RUFY2: variants seen among roughly 807,000 people sequenced by gnomAD.
RUFY2 encodes the protein RUN and FYVE domain containing 2.
A neutral mutation model predicts 94.4 loss-of-function variants in RUFY2; 49 were observed. The ratio of observed to expected loss-of-function variants is 0.52; its 90% CI spans 0.41 to 0.66. RUFY2 has a LOEUF of 0.66. Among genes scored for constraint, RUFY2 ranks in the 30% least tolerant of loss-of-function variants. RUFY2 has a pLI of 0.00. For missense variants in RUFY2, 541 were observed against 692.8 expected (o/e 0.78, Z 2.46); for synonymous variants, 255 against 235.7 (o/e 1.08, Z -0.75).
intron 7 of RUFY2, among the ~76,000 whole-genome samples, chr10:68,388,278 C>A (rs190724718): frequency 6.6e-6 from 1 of 152,066 alleles, no homozygotes; most frequent in Admixed American, 6.6e-5. Flanking sequence ...GCCTGACCAA[C>A]ATGGTGAAAC....
At chr10:68,392,735 A>G (rs1478747730) in intron 7 of RUFY2, among the ~76,000 whole-genome samples, 1 of 150,798 alleles carries the variant, frequency 6.6e-6, no homozygotes, top group Non-Finnish European at 1.5e-5. Flanking sequence ...ATCCTGGCCA[A>G]CGTGGTGAAA....
intron 13 of RUFY2, among the ~76,000 whole-genome samples, chr10:68,376,107 GAA>G (rs1037809301): frequency 7.9e-6 from 1 of 127,048 alleles, no homozygotes; most frequent in Admixed American, 8.3e-5. Flanking sequence ...CATCTCGAAG[GAA>G]AAAAAAAAAA....
Position 68,384,157 on chromosome 10 carries a change from A to G in RUFY2, c.721-5T>C. 6.2e-7 allele frequency: 1 copy of G among 1,604,900 alleles called. No homozygotes were observed. On this transcript the variant is annotated splice_polypyrimidine_tract_variant and splice_region_variant and intron_variant, in intron 8 of 17. Coordinates refer to ENST00000602465, the MANE Select transcript of RUFY2 (RefSeq NM_001330103.2). ...GTTATTCTTTGCTATTGCTAACTAA[A>G]AATTAAGAAACGGGCAAGAAAAAAG...
At chr10:68,363,368 G>C (rs1005218505) in intron 15 of RUFY2, among the ~76,000 whole-genome samples, 7 of 152,040 alleles carry the variant, frequency 4.6e-5, no homozygotes, top group African/African-American at 1.7e-4. Flanking sequence ...GTAAAGACAG[G>C]GTTTCACCAT....
chr10:68,341,125 A>T, downstream of RUFY2: 2 of 1,331,648 alleles, frequency 1.5e-6, no homozygotes, highest in Non-Finnish European at 1.0e-6. Flanking sequence ...GTGGTAATTT[A>T]CTTTAATATT....
At chr10:68,385,201 T>G (rs1022332760) in intron 8 of RUFY2, among the ~76,000 whole-genome samples, 1 of 151,486 alleles carries the variant, frequency 6.6e-6, no homozygotes, top group African/African-American at 2.4e-5. Flanking sequence ...GAGGCGGAGG[T>G]TGCAGTGAGC....
chr10:68,355,304 A>G, intron 16 of RUFY2, 49 bp downstream of exon 16: 1 of 1,345,758 alleles, frequency 7.4e-7, no homozygotes, highest in Non-Finnish European at 1.1e-6. Flanking sequence ...ATTACCTTCC[A>G]TTGGAGACTT....
At chr10:68,379,576 T>C in intron 11 of RUFY2, 55 bp from the exon 12 acceptor site, 1 of 1,222,172 alleles carries the variant, frequency 8.2e-7, no homozygotes, top group Non-Finnish European at 1.2e-6. Flanking sequence ...TGTGTTTGTG[T>C]GTGTGTGTGT....
intron 13 of RUFY2, among the ~76,000 whole-genome samples, chr10:68,370,871 G>A (rs1225828230): frequency 1.3e-5 from 2 of 152,020 alleles, no homozygotes; most frequent in East Asian, 1.9e-4. Context: ...AGTGGCTCAC[G>A]CCTGTAATCC....
chr10:68,375,267 C>T (rs1446708398), intron 13 of RUFY2, among the ~76,000 whole-genome samples: 1 of 130,374 alleles, frequency 7.7e-6, no homozygotes, highest in Non-Finnish European at 1.5e-5. Flanking sequence ...ATGATAAGAA[C>T]TTACGAACAC....
intron 15 of RUFY2, among the ~76,000 whole-genome samples, chr10:68,356,958 G>A (rs993995472): frequency 6.6e-6 from 1 of 150,924 alleles, no homozygotes; most frequent in Non-Finnish European, 1.5e-5. Context: ...TCAGGAAGGA[G>A]TTCAAGACCA....
chr10:68,404,940 T>C (rs1198748306), intron 1 of RUFY2, 96 bp from the exon 2 acceptor site: 2 of 987,594 alleles, frequency 2.0e-6, no homozygotes, highest in Non-Finnish European at 2.9e-6. Flanking sequence ...CAACAGTAGT[T>C]TGCTGTTCCT....
At position 68,344,945 on chromosome 10, in the gene RUFY2, C is replaced by G. The variant is rs1005787813; in HGVS notation, c.*823G>C. The G allele has an allele frequency of 5.9e-5, 9 of 152,170 alleles. No individual in the cohort carries two copies. Among genetic ancestry groups the G allele is most frequent in the African/African-American group, 2.2e-4 (9 of 41,434 alleles). The allele number at this position is 152,170 out of a possible 1,614,324, so 9.4% of individuals were successfully genotyped here. A position where few individuals can be genotyped will look rare whatever the true frequency, so the allele number is the denominator to read the frequency against. On this transcript the variant is annotated 3_prime_UTR_variant, in exon 18 of 18. Coordinates refer to ENST00000602465, the MANE Select transcript of RUFY2 (RefSeq NM_001330103.2). ...GAGGACCTTTATAAGGAGCCTGTAACATCCCCTACTATTACATACTTTTTT... is the reference window on the plus strand; with the variant it reads ...GAGGACCTTTATAAGGAGCCTGTAAGATCCCCTACTATTACATACTTTTTT...
At position 68,355,415 on chromosome 10, in the gene RUFY2, A is replaced by G; in HGVS notation, c.1551-14T>C. 1 of 1,542,424 alleles carries G rather than the reference A, an allele frequency of 6.5e-7. No homozygotes were observed. On this transcript the variant is annotated splice_polypyrimidine_tract_variant and intron_variant, in intron 15 of 17. Transcript: ENST00000602465. ...TTAAGTTTTGATCTAAAAAGATTAC[A>G]AATAGGTCCAAATTTCAGTACACAT... is the stretch of plus-strand genomic sequence containing the variant.
In RUFY2 at chr10:68,405,452, T is replaced by A. The variant is rs947674853; in HGVS notation, c.5-608A>T. ...ATTTAACTTTCCTGGTACCTCTTCA[T>A]AGAGAATGAGTTTTTTAAAATGATC... is the stretch of plus-strand genomic sequence containing the variant. On this transcript the variant is annotated intron_variant, in intron 1 of 17. Coordinates refer to ENST00000602465, the MANE Select transcript of RUFY2 (RefSeq NM_001330103.2). 1.8e-5 allele frequency: 18 copies of A among 977,182 alleles called. No homozygotes were observed. The African/African-American group carries it at 3.2e-4, about 17-fold the overall frequency. 60.5% of individuals were successfully genotyped at this position (977,182 alleles called of 1,614,324 possible).
chr10:68,402,189 C>T (rs886073891), intron 2 of RUFY2, among the ~76,000 whole-genome samples: 2 of 151,740 alleles, frequency 1.3e-5, no homozygotes, highest in African/African-American at 4.8e-5. Context: ...GAATTCCTGG[C>T]CTCAAGCGTT....
intron 1 of RUFY2, chr10:68,406,651 GC>G (rs1374101022): frequency 1.5e-5 from 17 of 1,142,572 alleles, no homozygotes; most frequent in Non-Finnish European, 2.0e-5. Context: ...CCCGCACCTT[GC>G]CGGGGCCTAG....
At chr10:68,369,682 G>T (rs1409847352) in intron 13 of RUFY2, among the ~76,000 whole-genome samples, 4 of 152,144 alleles carry the variant, frequency 2.6e-5, no homozygotes, top group Admixed American at 2.0e-4. Flanking sequence ...AGCACTTTGG[G>T]AGGCCAAGGC....
At position 68,352,631 on chromosome 10, in the gene RUFY2, T is replaced by C. The variant is rs116752647; in HGVS notation, c.1599+2722A>G. On this transcript the variant is annotated intron_variant, in intron 16 of 17. Transcript: ENST00000602465. ...CTCAAATGTTATACAACTAATTTGT[T>C]TTTAAAAAGAGAGGGGTGGCTGGGC... Among the ~76,000 whole-genome samples the C allele has an allele frequency of 6.8e-3, 1,042 of 152,276 alleles. 16 individuals carry two copies. Among genetic ancestry groups the C allele is most frequent in the African/African-American group, 0.024 (979 of 41,560 alleles).
Sources: allele counts gnomAD v4.1 joint callset (sites outside exome capture counted in the v4.1 genomes callset), GRCh38; gene constraint gnomAD v4.1.1; transcripts MANE v1.5; gene names NCBI Gene and HGNC (gene_info 2026-07-23, HGNC 2026-07-21).